FKBP6: variants seen among roughly 807,000 people sequenced by gnomAD.
FKBP6 encodes the protein FKBP prolyl isomerase family member 6 (inactive), also known as inactive peptidyl-prolyl cis-trans isomerase FKBP6.
In FKBP6, 29 loss-of-function variants were observed where a neutral mutation model predicts 41.7. The ratio of observed to expected loss-of-function variants is 0.70; its 90% CI spans 0.52 to 0.95. The LOEUF (loss-of-function observed/expected upper bound fraction) is 0.95. Ranked by LOEUF, FKBP6 falls within the 40% of genes least tolerant of loss-of-function variation. The pLI is 0.00. For synonymous variants in FKBP6, 130 were observed against 165.1 expected, an observed-to-expected ratio of 0.79 and a Z score of 1.63; for missense variants, 338 against 408.7, an observed-to-expected ratio of 0.83 and a Z score of 1.49.
chr7:73,333,585 C>A (rs972827594), intron 5 of FKBP6, among the ~76,000 whole-genome samples: 4 of 152,230 alleles, frequency 2.6e-5, no homozygotes, highest in African/African-American at 9.6e-5. Flanking sequence ...ACCCAGGTGA[C>A]CCCGCAATGC....
chr7:73,337,184 C>T (rs1805030414), intron 5 of FKBP6: 2 of 183,290 alleles, frequency 1.1e-5, no homozygotes, highest in African/African-American at 2.4e-5. Flanking sequence ...GGTATGGAGA[C>T]AGTTGATGGG....
chr7:73,344,458 A>C (rs2115919721), intron 8 of FKBP6, among the ~76,000 whole-genome samples: 1 of 152,320 alleles, frequency 6.6e-6, no homozygotes, highest in East Asian at 1.9e-4. Context: ...CTGCTGTCAC[A>C]GTTGTGATAA....
At chr7:73,342,088 T>G (rs555875449) in intron 7 of FKBP6, among the ~76,000 whole-genome samples, 8 of 152,140 alleles carry the variant, frequency 5.3e-5, no homozygotes, top group East Asian at 1.9e-4. Context: ...AAACAGGCGT[T>G]TCGGGTCTGA....
Position 73,330,369 on chromosome 7 carries a change from A to G in FKBP6, c.468+17A>G. 2 of 1,579,590 alleles carry G rather than the reference A, an allele frequency of 1.3e-6. No homozygotes were observed. Among genetic ancestry groups the G allele is most frequent in the Non-Finnish European group, 8.7e-7 (1 of 1,148,450 alleles). ...CTCTCAGCTGTAAGTTCCAGAGCAC[A>G]GATGTCAGCACTTTATAGAGAGACG... On this transcript the variant is annotated intron_variant, in intron 4 of 8. Coordinates refer to ENST00000252037, the MANE Select transcript of FKBP6 (RefSeq NM_003602.5).
chr7:73,346,054 C>T (rs1260549268), intron 8 of FKBP6, among the ~76,000 whole-genome samples: 1 of 152,162 alleles, frequency 6.6e-6, no homozygotes, highest in Non-Finnish European at 1.5e-5. Context: ...AGGCACACAG[C>T]AGAGATGAAA....
At chr7:73,355,167 C>T (rs1333233207) in intron 8 of FKBP6, among the ~76,000 whole-genome samples, 2 of 152,246 alleles carry the variant, frequency 1.3e-5, no homozygotes, top group Non-Finnish European at 2.9e-5. Context: ...GCCCACCCGC[C>T]GTGGAAGCAG....
At chr7:73,332,873 A>G (rs1583799974) in intron 5 of FKBP6, among the ~76,000 whole-genome samples, 1 of 152,302 alleles carries the variant, frequency 6.6e-6, no homozygotes, top group African/African-American at 2.4e-5. Flanking sequence ...TCATTTGGCG[A>G]TTCTAGCCTG....
chr7:73,356,946 A>G (rs1373006330), intron 8 of FKBP6, among the ~76,000 whole-genome samples: 4 of 151,920 alleles, frequency 2.6e-5, no homozygotes, highest in South Asian at 4.1e-4. Context: ...ACGCCCAGCT[A>G]ATTTTTGTAT....
At chr7:73,345,143 A>G (rs1469164862) in intron 8 of FKBP6, among the ~76,000 whole-genome samples, 1 of 151,250 alleles carries the variant, frequency 6.6e-6, no homozygotes, top group Non-Finnish European at 1.5e-5. Flanking sequence ...CTAATAAAAC[A>G]TCCTCCAGGC....
In FKBP6 at chr7:73,329,887, A is replaced by G. The variant is rs1449023022; in HGVS notation, c.266-263A>G. The G allele has an allele frequency of 5.3e-6, 3 of 568,556 alleles. No individual in the cohort carries two copies. In the African/African-American group the frequency reaches 5.6e-5, roughly 11 times the overall value. 35.2% of individuals were successfully genotyped at this position (568,556 alleles called of 1,614,324 possible). ...GAAAGCAGTGTTGTGGGTGTGCTTA[A>G]TGAAGGCATGATTAATTCTAGCTGG... On this transcript the variant is annotated intron_variant, in intron 3 of 8. Coordinates refer to ENST00000252037, the MANE Select transcript of FKBP6 (RefSeq NM_003602.5).
chr7:73,341,491 T>C, intron 7 of FKBP6, 109 bp downstream of exon 7: 1 of 792,268 alleles, frequency 1.3e-6, no homozygotes, highest in South Asian at 1.4e-5. Context: ...CCCAGAGTGT[T>C]AGGAGGCCGC....
At chr7:73,345,672 A>C (rs1434949132) in intron 8 of FKBP6, among the ~76,000 whole-genome samples, 1 of 152,238 alleles carries the variant, frequency 6.6e-6, no homozygotes, top group Non-Finnish European at 1.5e-5. Flanking sequence ...GTTAACATAC[A>C]ACAGGTGAAA....
At chr7:73,352,033 G>A (rs1029080582) in intron 8 of FKBP6, among the ~76,000 whole-genome samples, 5 of 152,190 alleles carry the variant, frequency 3.3e-5, no homozygotes, top group African/African-American at 1.2e-4. Flanking sequence ...GTGCAGTGGT[G>A]CAGTTATAGC....
At chr7:73,342,395 G>T (rs1185662143) in intron 7 of FKBP6, among the ~76,000 whole-genome samples, 1 of 152,172 alleles carries the variant, frequency 6.6e-6, no homozygotes, top group Admixed American at 6.5e-5. Flanking sequence ...GTATCTCTTA[G>T]GTTACATTTC....
At chr7:73,341,220 A>C in intron 6 of FKBP6, 53 bp from the exon 7 acceptor site, 1 of 1,293,672 alleles carries the variant, frequency 7.7e-7, no homozygotes, top group South Asian at 1.2e-5. Context: ...CACCGTGCCC[A>C]GCCAAATGAT....
rs1328691459 is a variant in FKBP6 at position 73,341,363 on chromosome 7, G to A, written c.874G>A (p.Glu292Lys). ...EQPFNHDINN[E>K]LKKLASCYRD... ...ACCCTTCAATCATGACATCAATAAT[G>A]AGCTGAAGAAACTGGCTAGGTGAGC... The change falls in exon 7 of 9, where the codon GAG (glutamate) becomes AAG (lysine). Residue 292 changes from glutamate to lysine, a missense_variant. Coordinates refer to ENST00000252037, the MANE Select transcript of FKBP6 (RefSeq NM_003602.5). 6.2e-7 allele frequency: 1 copy of A among 1,609,194 alleles called. No homozygotes were observed. Among genetic ancestry groups the A allele is most frequent in the Middle Eastern group, 1.7e-4 (1 of 6,050 alleles).
rs781886719 is a variant in FKBP6 at position 73,328,396 on chromosome 7, G to A, written c.-33G>A. On this transcript the variant is annotated 5_prime_UTR_variant, in exon 1 of 9. Coordinates refer to ENST00000252037, the MANE Select transcript of FKBP6 (RefSeq NM_003602.5). ...GGAGGGCAGCGGGGCGCACCAGGCC[G>A]AAGGCTCACGCCACAGGGAGGGCAG... 6 of 1,568,796 alleles carry A rather than the reference G, an allele frequency of 3.8e-6. No homozygotes were observed. Among genetic ancestry groups the A allele is most frequent in the South Asian group, 2.3e-5 (2 of 85,494 alleles).
rs936727407 is a variant in FKBP6, at chr7:73,335,172, A to G, written c.588+3396A>G. On this transcript the variant is annotated intron_variant, in intron 5 of 8. Coordinates refer to ENST00000252037, the MANE Select transcript of FKBP6 (RefSeq NM_003602.5). ...AAAAAAGTCCTATTACTGTGAAGGA[A>G]GGGAGGGCAGCTGCTGGGAGGCAGG... is the stretch of plus-strand genomic sequence containing the variant. Among the ~76,000 whole-genome samples the G allele has an allele frequency of 6.0e-5, 9 of 150,982 alleles. No homozygotes were observed. In the East Asian group the frequency reaches 1.8e-3, roughly 29 times the overall value.
chr7:73,340,584 G>T, intron 5 of FKBP6, 54 bp from the exon 6 acceptor site: 3 of 1,474,778 alleles, frequency 2.0e-6, no homozygotes, highest in Non-Finnish European at 1.9e-6. Flanking sequence ...ATTCTTTAGG[G>T]TTTTGTACAT....
Sources: gnomAD v4.1 joint callset for allele counts (sites outside exome capture counted in the v4.1 genomes callset) on GRCh38, gnomAD v4.1.1 for gene constraint, MANE v1.5 for transcripts, NCBI Gene and HGNC (gene_info 2026-07-23, HGNC 2026-07-21) for gene names.